ATP7A: variants seen among roughly 807,000 people sequenced by gnomAD.
The protein encoded by ATP7A is ATPase copper transporting alpha, also known as copper-transporting ATPase 1.
A neutral mutation model predicts 83.5 loss-of-function variants in ATP7A; 7 were observed. The ratio of observed to expected loss-of-function variants is 0.08; its 90% CI spans 0.05 to 0.16. ATP7A has a LOEUF of 0.16. Ranked by LOEUF, ATP7A falls within the 10% of genes least tolerant of loss-of-function variation. ATP7A has a pLI of 1.00. For missense variants in ATP7A, 940 were observed against 1,120.8 expected (o/e 0.84, Z 2.30); for synonymous variants, 354 against 395.2 (o/e 0.90, Z 1.24).
At chrX:77,925,321 A>C (rs1174238971) in intron 1 of ATP7A, among the ~76,000 whole-genome samples, 1 of 112,142 alleles carries the variant, frequency 8.9e-6, no homozygotes, top group Non-Finnish European at 1.9e-5. Context: ...CTAAGAGGAA[A>C]GATAACTTTG....
intron 1 of ATP7A, chrX:77,965,450 T>C (rs1305295569): frequency 6.2e-6 from 2 of 321,262 alleles, no homozygotes; most frequent in African/African-American, 5.4e-5. Context: ...GAAATGTGAA[T>C]CAAAACCACA....
At chrX:77,939,798 A>T (rs1208206437) in intron 1 of ATP7A, among the ~76,000 whole-genome samples, 1 of 109,920 alleles carries the variant, frequency 9.1e-6, no homozygotes, top group Non-Finnish European at 1.9e-5. Context: ...AACAATAATC[A>T]TCTAGACAAT....
chrX:77,965,107 G>C (rs1183052476), intron 1 of ATP7A, among the ~76,000 whole-genome samples: 1 of 109,757 alleles, frequency 9.1e-6, no homozygotes, highest in African/African-American at 3.3e-5. Context: ...CTATACCAAA[G>C]ATATGCTTAT....
At chrX:78,045,331 C>T in intron 21 of ATP7A, 139 bp from the exon 22 acceptor site, 1 of 570,017 alleles carries the variant, frequency 1.8e-6, no homozygotes, top group Non-Finnish European at 2.9e-6. Context: ...AAAAAAATGG[C>T]AACAACAAAA....
chrX:78,044,255 CAA>C (rs782578875), intron 21 of ATP7A, among the ~76,000 whole-genome samples: 5 of 61,755 alleles, frequency 8.1e-5, no homozygotes, highest in Non-Finnish European at 8.4e-5. Flanking sequence ...ACTCCGTCTC[CAA>C]AAAAAAAAAA....
chrX:78,037,176 A>G (rs2078018794), intron 17 of ATP7A, among the ~76,000 whole-genome samples: 1 of 111,898 alleles, frequency 8.9e-6, no homozygotes, highest in African/African-American at 3.2e-5. Flanking sequence ...TATAAATGGA[A>G]ATATGAAGTA....
At chrX:78,039,477 C>T (rs781880146) in intron 18 of ATP7A, among the ~76,000 whole-genome samples, 5 of 110,779 alleles carry the variant, frequency 4.5e-5, no homozygotes, top group East Asian at 5.7e-4. Context: ...GGATTACAGG[C>T]GCGCACCACC....
rs1169488566 is a variant in ATP7A at position 78,050,297 on chromosome X, A to T, written c.*3727A>T. On this transcript the variant is annotated 3_prime_UTR_variant, in exon 23 of 23. Transcript: ENST00000341514. Reference sequence around the variant, plus strand: ...ATGTTGTGCAATATCCATCTACTGTAGTTAAGATATTCAGTAGTTTGTTTT... The same window carrying T: ...ATGTTGTGCAATATCCATCTACTGTTGTTAAGATATTCAGTAGTTTGTTTT... 8.9e-6 allele frequency: 1 copy of T among 112,445 alleles called. No individual in the cohort carries two copies. The highest frequency in any genetic ancestry group is 1.9e-5 in the Non-Finnish European group (1 of 53,259). 9.3% of individuals were successfully genotyped at this position (112,445 alleles called of 1,213,427 possible).
In ATP7A at chrX:77,979,074, C is replaced by T. The variant is rs782817886; in HGVS notation, c.120+7313C>T. Among the ~76,000 whole-genome samples, 15 of 110,880 alleles carry T rather than the reference C, an allele frequency of 1.4e-4. No individual in the cohort carries two copies. In the South Asian group the frequency reaches 4.6e-3, roughly 34 times the overall value. On this transcript the variant is annotated intron_variant, in intron 2 of 22. Transcript: ENST00000341514. ...TTCAAACTCCTGACCTCAGATGATC[C>T]GCCCCCCTTCACCTTCCAAAGTGCT...
chrX:78,004,230 G>A (rs1224458914), intron 6 of ATP7A, among the ~76,000 whole-genome samples: 1 of 109,896 alleles, frequency 9.1e-6, no homozygotes, highest in Non-Finnish European at 1.9e-5. Context: ...ACATGTATGT[G>A]TACTTACATA....
intron 1 of ATP7A, among the ~76,000 whole-genome samples, chrX:77,950,269 C>T (rs1043194907): frequency 8.9e-6 from 1 of 111,970 alleles, no homozygotes; most frequent in Non-Finnish European, 1.9e-5. Flanking sequence ...TGTCTCCTCC[C>T]TTCTCCCTTC....
intron 1 of ATP7A, chrX:77,964,078 G>A (rs1201569000): frequency 8.9e-6 from 1 of 111,744 alleles, no homozygotes; most frequent in Non-Finnish European, 1.9e-5. Flanking sequence ...ATGAATTTTG[G>A]AGCTTTACAA....
chrX:78,046,321 T>C lies in ATP7A; in HGVS notation c.4254T>C (p.Tyr1418=), dbSNP rs990337633. ...ACAGGAAACCAACTTACGAGAGTTA[T>C]GAACTGCCTGCCCGGAGCCAGATAG... ...KLYRKPTYES[Y]ELPARSQIGQ... is the part of the protein sequence containing the mutation. Residue 1418 remains tyrosine, a synonymous_variant, in exon 23 of 23, where the codon TAT becomes TAC. Transcript: ENST00000341514. 3 of 1,211,904 alleles carry C rather than the reference T, an allele frequency of 2.5e-6. No individual in the cohort carries two copies. Among genetic ancestry groups the C allele is most frequent in the Admixed American group, 4.3e-5 (2 of 46,049 alleles).
chrX:78,045,876 G>C (rs911458262), intron 22 of ATP7A, among the ~76,000 whole-genome samples: 1 of 111,552 alleles, frequency 9.0e-6, no homozygotes. Context: ...TCAGCTACTC[G>C]GGAGGCTGAG....
chrX:78,037,483 T>C (rs868994253), intron 17 of ATP7A, among the ~76,000 whole-genome samples: 3 of 111,620 alleles, frequency 2.7e-5, no homozygotes, highest in Non-Finnish European at 5.6e-5. Context: ...GTGGTATAGA[T>C]GGTATTTAAA....
Position 77,928,955 on chromosome X carries a change from G to T in ATP7A, c.-22+18120G>T, listed in dbSNP as rs536670653. On this transcript the variant is annotated intron_variant, in intron 1 of 22. Transcript: ENST00000341514. ...GACAACCAGTTGCAATTGTAACCCAGGGAGAAAATATTACTGGAGTGTGTT... is the reference window on the plus strand; with the variant it reads ...GACAACCAGTTGCAATTGTAACCCATGGAGAAAATATTACTGGAGTGTGTT... Among the ~76,000 whole-genome samples the T allele has an allele frequency of 4.5e-3, 499 of 111,479 alleles. 1 individual carries two copies. Among genetic ancestry groups the T allele is most frequent in the Middle Eastern group, 0.032 (7 of 217 alleles).
chrX:77,920,749 T>C (rs1423895150), intron 1 of ATP7A, among the ~76,000 whole-genome samples: 5 of 111,546 alleles, frequency 4.5e-5, no homozygotes, highest in Non-Finnish European at 9.4e-5. Flanking sequence ...GTCTTTATTA[T>C]TGTGAATAGT....
chrX:78,040,865 A>C (rs2078042867), intron 19 of ATP7A, 132 bp downstream of exon 19: 2 of 829,428 alleles, frequency 2.4e-6, no homozygotes, highest in Non-Finnish European at 1.8e-6. Flanking sequence ...TCCTTCAAGA[A>C]AATTTACCAT....
chrX:77,913,774 T>C (rs2077172269), intron 1 of ATP7A, among the ~76,000 whole-genome samples: 1 of 112,072 alleles, frequency 8.9e-6, no homozygotes, highest in East Asian at 2.8e-4. Flanking sequence ...GAAATGAGGG[T>C]AAAATACCCC....
Sources: allele counts gnomAD v4.1 joint callset (sites outside exome capture counted in the v4.1 genomes callset), GRCh38; gene constraint gnomAD v4.1.1; transcripts MANE v1.5; gene names NCBI Gene and HGNC (gene_info 2026-07-23, HGNC 2026-07-21).